The following AK5 variants were observed in gnomAD, a reference collection of about 807,000 sequenced individuals.
AK5 encodes adenylate kinase 5.
A neutral mutation model predicts 69.5 loss-of-function variants in AK5; 27 were observed. The observed-to-expected ratio is 0.39, with a 90% confidence interval of 0.29 to 0.54. AK5 has a LOEUF of 0.54. Ranked by LOEUF, AK5 falls within the 20% of genes least tolerant of loss-of-function variation. The pLI, the probability that AK5 is intolerant of heterozygous loss-of-function variation, is 0.71. For synonymous variants in AK5, 260 were observed against 244.4 expected, an observed-to-expected ratio of 1.06 and a Z score of -0.60; for missense variants, 531 against 700.4, an observed-to-expected ratio of 0.76 and a Z score of 2.73.
chr1:77,321,701 G>T (rs1400642676), intron 5 of AK5, among the ~76,000 whole-genome samples: 1 of 152,168 alleles, frequency 6.6e-6, no homozygotes, highest in East Asian at 1.9e-4. Flanking sequence ...AATTGTGAGG[G>T]TGTCGGCTTT....
rs1025942525 is a variant in AK5, at chr1:77,337,820, C to T, written c.700-2557C>T. Among the ~76,000 whole-genome samples the T allele has an allele frequency of 3.3e-5, 5 of 152,160 alleles. 1 individual carries two copies. The highest frequency in any genetic ancestry group is 4.8e-5 in the African/African-American group (2 of 41,430). On this transcript the variant is annotated intron_variant, in intron 5 of 13. Transcript: ENST00000354567. ...GAACAATTTGCACAAGGACAAACAA[C>T]GAATAGAAGGCAGATTCTAGATTCA...
chr1:77,456,920 T>TA (rs149961601), intron 8 of AK5, among the ~76,000 whole-genome samples: 30 of 135,422 alleles, frequency 2.2e-4, no homozygotes, highest in African/African-American at 5.4e-4. Flanking sequence ...AGTAGTTTCC[T>TA]TAAAAAAAAA....
At chr1:77,343,932 T>C (rs1455966310) in intron 6 of AK5, among the ~76,000 whole-genome samples, 1 of 152,236 alleles carries the variant, frequency 6.6e-6, no homozygotes, top group Non-Finnish European at 1.5e-5. Context: ...ATGAATAGGT[T>C]GTAAAAACTT....
chr1:77,497,104 T>A (rs1656366625), intron 10 of AK5, among the ~76,000 whole-genome samples: 3 of 152,250 alleles, frequency 2.0e-5, no homozygotes, highest in Admixed American at 6.5e-5. Context: ...ACTGCCTTTA[T>A]GAGCTGTAAC....
At chr1:77,552,852 A>G (rs1659885312) in intron 13 of AK5, among the ~76,000 whole-genome samples, 1 of 152,188 alleles carries the variant, frequency 6.6e-6, no homozygotes, top group South Asian at 2.1e-4. Context: ...AGCCTGGGCA[A>G]CATAGCAAGA....
chr1:77,391,551 A>G (rs934104665), intron 6 of AK5, among the ~76,000 whole-genome samples: 5 of 142,204 alleles, frequency 3.5e-5, no homozygotes, highest in Non-Finnish European at 6.1e-5. Flanking sequence ...TTGTTGCAGT[A>G]TCTATCCATC....
intron 10 of AK5, among the ~76,000 whole-genome samples, chr1:77,495,444 G>A (rs971602131): frequency 2.0e-5 from 3 of 152,134 alleles, no homozygotes; most frequent in African/African-American, 7.2e-5. Context: ...GATAGCAAGT[G>A]AATATTAATG....
chr1:77,558,441 G>C (rs1366416256), intron 13 of AK5, among the ~76,000 whole-genome samples, 161 bp from the exon 14 acceptor site: 1 of 138,654 alleles, frequency 7.2e-6, no homozygotes, highest in Non-Finnish European at 1.6e-5. Context: ...GAGACACCTA[G>C]TTTTAAAACT....
intron 13 of AK5, among the ~76,000 whole-genome samples, chr1:77,543,762 C>T (rs568394025): frequency 2.6e-5 from 4 of 152,200 alleles, no homozygotes; most frequent in African/African-American, 7.2e-5. Context: ...GGAGTATTTT[C>T]GTAGGAAGCT....
At chr1:77,472,789 C>CTGAGGTGAGAGAATCACTTG (rs1553154496) in intron 8 of AK5, among the ~76,000 whole-genome samples, 48 of 151,356 alleles carry the variant, frequency 3.2e-4, no homozygotes, top group Admixed American at 5.9e-4. Context: ...ACTGATGAGG[C>CTGAGGTGAGAGAATCACTTG]AATTCTTCTG....
intron 10 of AK5, among the ~76,000 whole-genome samples, chr1:77,498,157 G>C (rs994765039): frequency 4.6e-5 from 7 of 152,156 alleles, no homozygotes; most frequent in Non-Finnish European, 8.8e-5. Flanking sequence ...CATCACAGCA[G>C]GCAAGGGAGG....
intron 5 of AK5, 82 bp from the exon 6 acceptor site, chr1:77,340,295 A>G: frequency 7.3e-7 from 1 of 1,373,114 alleles, no homozygotes. Flanking sequence ...CCTCCACAGA[A>G]CAAAAGGAAA....
chr1:77,382,159 A>G (rs1259188460), intron 6 of AK5, among the ~76,000 whole-genome samples: 1 of 151,928 alleles, frequency 6.6e-6, no homozygotes, highest in Non-Finnish European at 1.5e-5. Context: ...AGTCCTTTCA[A>G]TCGTTTTCCC....
chr1:77,468,994 T>C (rs927772106), intron 8 of AK5, among the ~76,000 whole-genome samples: 22 of 152,200 alleles, frequency 1.4e-4, no homozygotes, highest in Non-Finnish European at 2.9e-4. Flanking sequence ...ATAGAAAGGG[T>C]AAAAGTCCTT....
At chr1:77,428,729 A>T (rs1651384178) in intron 8 of AK5, among the ~76,000 whole-genome samples, 1 of 152,034 alleles carries the variant, frequency 6.6e-6, no homozygotes, top group South Asian at 2.1e-4. Context: ...CATTAGGTAT[A>T]TCTCCAAATG....
At chr1:77,429,863 A>C (rs1651484236) in intron 8 of AK5, among the ~76,000 whole-genome samples, 1 of 152,156 alleles carries the variant, frequency 6.6e-6, no homozygotes, top group Admixed American at 6.6e-5. Flanking sequence ...GTTCAAAAAG[A>C]GGAAATAGCA....
intron 5 of AK5, among the ~76,000 whole-genome samples, chr1:77,326,255 A>G (rs1467463957): frequency 6.6e-6 from 1 of 152,204 alleles, no homozygotes; most frequent in African/African-American, 2.4e-5. Flanking sequence ...TAATAACTTA[A>G]TAGCCTTATG....
At chr1:77,365,485 T>A (rs903597581) in intron 6 of AK5, among the ~76,000 whole-genome samples, 4 of 152,160 alleles carry the variant, frequency 2.6e-5, no homozygotes, top group Non-Finnish European at 5.9e-5. Flanking sequence ...AGGTCAGCAG[T>A]CCCCAACCTC....
At chr1:77,284,733 C>G (rs1204473529) in intron 1 of AK5, among the ~76,000 whole-genome samples, 1 of 152,190 alleles carries the variant, frequency 6.6e-6, no homozygotes. Flanking sequence ...AGGGTTCACT[C>G]AGAGACTGAG....
Sources: allele counts gnomAD v4.1 joint callset (sites outside exome capture counted in the v4.1 genomes callset), GRCh38; gene constraint gnomAD v4.1.1; transcripts MANE v1.5; gene names NCBI Gene and HGNC (gene_info 2026-07-23, HGNC 2026-07-21).